Variants in IGSF21 observed in about 807,000 individuals in gnomAD.
The protein encoded by IGSF21 is immunoglobulin superfamily member 21.
A neutral mutation model predicts 46.8 loss-of-function variants in IGSF21; 28 were observed. The ratio of observed to expected loss-of-function variants is 0.60; its 90% CI spans 0.44 to 0.82. IGSF21 has a LOEUF of 0.82. Among genes scored for constraint, IGSF21 ranks in the 40% least tolerant of loss-of-function variants. The pLI is 0.00. For missense variants in IGSF21, 624 were observed against 665.5 expected (o/e 0.94, Z 0.69); for synonymous variants, 284 against 273.6 (o/e 1.04, Z -0.38).
chr1:18,279,749 G>T (rs2085140207), intron 2 of IGSF21, among the ~76,000 whole-genome samples: 1 of 152,200 alleles, frequency 6.6e-6, no homozygotes, highest in Non-Finnish European at 1.5e-5. Flanking sequence ...TCACTGGGCT[G>T]GGCTGCCCTG....
chr1:18,372,675 G>A (rs1395860814), intron 6 of IGSF21, among the ~76,000 whole-genome samples: 2 of 103,388 alleles, frequency 1.9e-5, no homozygotes, highest in Non-Finnish European at 4.2e-5. Context: ...GGTGGATGGA[G>A]GGATGGATGG....
At chr1:18,154,404 T>C (rs547346097) in intron 1 of IGSF21, among the ~76,000 whole-genome samples, 1 of 152,170 alleles carries the variant, frequency 6.6e-6, no homozygotes, top group Admixed American at 6.5e-5. Context: ...CCTCCTCAGG[T>C]CTTCAGACTC....
At chr1:18,368,537 A>T (rs2086191300) in intron 6 of IGSF21, among the ~76,000 whole-genome samples, 1 of 104,258 alleles carries the variant, frequency 9.6e-6, no homozygotes, top group Admixed American at 1.0e-4. Flanking sequence ...AGTTGGGGGG[A>T]AAAAAGATAT....
At chr1:18,161,965 G>A (rs2124444729) in intron 1 of IGSF21, among the ~76,000 whole-genome samples, 1 of 152,230 alleles carries the variant, frequency 6.6e-6, no homozygotes, top group South Asian at 2.1e-4. Flanking sequence ...TTCCTATAGA[G>A]CAAACTTCTT....
intron 1 of IGSF21, chr1:18,111,537 A>T (rs1321253930): frequency 6.6e-6 from 1 of 152,172 alleles, no homozygotes. Context: ...GATGCTGGGG[A>T]TGAGGCCCAC....
intron 2 of IGSF21, among the ~76,000 whole-genome samples, chr1:18,230,649 G>T (rs2124509038): frequency 6.6e-6 from 1 of 152,198 alleles, no homozygotes; most frequent in East Asian, 2.0e-4. Context: ...GAAATTCCAG[G>T]GAAGGGCTCC....
Position 18,225,085 on chromosome 1 carries a change from T to TCTCTCTCTCTCTCTCACACACACACA in IGSF21, c.71-2812_71-2811insTCTCTCTCTCTCTCACACACACACAC. Among the ~76,000 whole-genome samples, 219 of 51,490 alleles carry TCTCTCTCTCTCTCTCACACACACACA rather than the reference T, an allele frequency of 4.3e-3. 3 individuals carry two copies. The highest frequency in any genetic ancestry group is 5.9e-3 in the Non-Finnish European group (148 of 25,116). 33.8% of individuals were successfully genotyped at this position (51,490 alleles called of 152,430 possible). The stretch of plus-strand genomic sequence containing the variant: ...GTATCTCTCTCTCTCTCTCTCTCTC[T>TCTCTCTCTCTCTCTCACACACACACA]CACACACACACACACACACACACAC... On this transcript the variant is annotated intron_variant, in intron 1 of 9. Transcript: ENST00000251296.
chr1:18,240,747 G>A (rs147644401), intron 2 of IGSF21, among the ~76,000 whole-genome samples: 1 of 152,324 alleles, frequency 6.6e-6, no homozygotes, highest in East Asian at 1.9e-4. Flanking sequence ...AGGACTGGTG[G>A]ACTTCCTAAC....
At chr1:18,355,823 T>C (rs904166083) in intron 4 of IGSF21, among the ~76,000 whole-genome samples, 3 of 142,926 alleles carry the variant, frequency 2.1e-5, no homozygotes, top group East Asian at 4.3e-4. Flanking sequence ...TGCCCATGTC[T>C]AGACTCTTTT....
chr1:18,233,938 C>T (rs2084650487), intron 2 of IGSF21, among the ~76,000 whole-genome samples: 1 of 152,190 alleles, frequency 6.6e-6, no homozygotes, highest in East Asian at 1.9e-4. Context: ...CCCAGCCCTT[C>T]ACAATGTTTC....
intron 1 of IGSF21, chr1:18,111,878 AT>A (rs1326466412): frequency 9.2e-5 from 14 of 152,168 alleles, no homozygotes; most frequent in Admixed American, 9.2e-4. Flanking sequence ...GCCGCAAAGA[AT>A]CCCTTGGGCA....
Position 18,335,605 on chromosome 1 carries a change from C to T in IGSF21, c.424+595C>T, listed in dbSNP as rs995062466. 1.3e-5 allele frequency among the ~76,000 whole-genome samples: 2 copies of T among 152,188 alleles called. No homozygotes were observed. The highest frequency in any genetic ancestry group is 6.5e-5 in the Admixed American group (1 of 15,288). Reference sequence around the variant, plus strand: ...TGCTGCTCTGCACGTTCTCAGAAGCCCCCACTGGCTCTAATGTTCTTGTCA... The same window carrying T: ...TGCTGCTCTGCACGTTCTCAGAAGCTCCCACTGGCTCTAATGTTCTTGTCA... On this transcript the variant is annotated intron_variant, in intron 4 of 9. Coordinates refer to ENST00000251296, the MANE Select transcript of IGSF21 (RefSeq NM_032880.5). The surrounding 1 kb of genome is among the most constrained non-coding windows in gnomAD (Gnocchi z 4.8).
chr1:18,254,926 C>T (rs367796146), intron 2 of IGSF21, among the ~76,000 whole-genome samples: 9 of 152,328 alleles, frequency 5.9e-5, no homozygotes, highest in African/African-American at 1.7e-4. Context: ...GAGCCAGTGA[C>T]GTTGTCCTTC....
intron 1 of IGSF21, among the ~76,000 whole-genome samples, chr1:18,150,381 T>C (rs2086511282): frequency 6.6e-6 from 1 of 150,668 alleles, no homozygotes; most frequent in African/African-American, 2.4e-5. Context: ...AGTTCACTTG[T>C]AACAAGGAGG....
chr1:18,284,141 C>T (rs780163510), intron 2 of IGSF21, among the ~76,000 whole-genome samples: 3 of 152,174 alleles, frequency 2.0e-5, no homozygotes, highest in Non-Finnish European at 4.4e-5. Context: ...AAGCAATAGA[C>T]AAACTCACAA....
intron 1 of IGSF21, among the ~76,000 whole-genome samples, chr1:18,149,786 TC>T (rs369412864): frequency 2.6e-5 from 4 of 152,046 alleles, no homozygotes; most frequent in Non-Finnish European, 5.9e-5. Flanking sequence ...TCATTTCCCC[TC>T]CCCCATTGTT....
intron 6 of IGSF21, among the ~76,000 whole-genome samples, chr1:18,367,878 A>G (rs1332763199): frequency 6.6e-6 from 1 of 151,802 alleles, no homozygotes; most frequent in African/African-American, 2.4e-5. Context: ...TGCTGGGGTT[A>G]CAGACGTGAG....
chr1:18,171,502 C>G (rs1307860783), intron 1 of IGSF21, among the ~76,000 whole-genome samples: 1 of 152,166 alleles, frequency 6.6e-6, no homozygotes, highest in Admixed American at 6.5e-5. Context: ...CAGCTAGGAA[C>G]TCAGTCCCCA....
chr1:18,268,531 G>T (rs2085011910), intron 2 of IGSF21, among the ~76,000 whole-genome samples: 1 of 152,208 alleles, frequency 6.6e-6, no homozygotes, highest in African/African-American at 2.4e-5. Flanking sequence ...AGGTCACCAA[G>T]CTTACATGTG....
Sources: allele counts gnomAD v4.1 joint callset (sites outside exome capture counted in the v4.1 genomes callset), GRCh38; gene constraint gnomAD v4.1.1; non-coding constraint Gnocchi (gnomAD v3.1); transcripts MANE v1.5; gene names NCBI Gene and HGNC (gene_info 2026-07-23, HGNC 2026-07-21).